ARSJ: variants seen among roughly 807,000 people sequenced by gnomAD.
The protein encoded by ARSJ is arylsulfatase J.
Under a neutral mutation model 35.9 loss-of-function variants are expected in ARSJ, and 26 were observed. The ratio of observed to expected loss-of-function variants is 0.72; its 90% CI spans 0.53 to 1.00. The LOEUF is 1.00. Ranked by LOEUF, ARSJ falls within the 50% of genes least tolerant of loss-of-function variation. The probability of loss-of-function intolerance (pLI) is 0.00; values close to 1 mark genes in which losing one functional copy is unlikely to be tolerated. For synonymous variants in ARSJ, 294 were observed against 267.6 expected (o/e 1.10, Z -0.96); for missense variants, 667 against 723.6 (o/e 0.92, Z 0.90).
At chr4:113,926,555 G>C (rs1724079027) in intron 1 of ARSJ, among the ~76,000 whole-genome samples, 1 of 152,132 alleles carries the variant, frequency 6.6e-6, no homozygotes, top group Non-Finnish European at 1.5e-5. Context: ...CATGCTGGGG[G>C]AGGTAGGAGG....
At chr4:113,927,830 T>C (rs1370035809) in intron 1 of ARSJ, among the ~76,000 whole-genome samples, 3 of 152,176 alleles carry the variant, frequency 2.0e-5, no homozygotes, top group African/African-American at 7.2e-5. Flanking sequence ...AAGTCCTTGA[T>C]GGTGACACTA....
chr4:113,921,982 T>C lies in ARSJ; in HGVS notation c.399-18307A>G, dbSNP rs1723710616. 2.0e-5 allele frequency among the ~76,000 whole-genome samples: 3 copies of C among 152,274 alleles called. 1 individual carries two copies. Among genetic ancestry groups the C allele is most frequent in the Middle Eastern group, 3.4e-3 (1 of 294 alleles). On this transcript the variant is annotated intron_variant, in intron 1 of 1. Coordinates refer to ENST00000315366, the MANE Select transcript of ARSJ (RefSeq NM_024590.4). ...GAAATCAAATAACAGCCATCATGCTTGGACAACATGGACAGGGCAGTTGTT... is the reference window on the plus strand; with the variant it reads ...GAAATCAAATAACAGCCATCATGCTCGGACAACATGGACAGGGCAGTTGTT...
At chr4:113,913,992 G>A (rs1723114173) in intron 1 of ARSJ, among the ~76,000 whole-genome samples, 1 of 151,922 alleles carries the variant, frequency 6.6e-6, no homozygotes. Flanking sequence ...TTTATTTTTT[G>A]AGATGGAGTC....
rs1465976744 is a variant in ARSJ, at chr4:113,903,283, G to A, written c.791C>T (p.Ala264Val). 6.2e-7 allele frequency: 1 copy of A among 1,614,104 alleles called. No individual in the cohort carries two copies. The highest frequency in any genetic ancestry group is 1.7e-5 in the Admixed American group (1 of 60,014). The change falls in exon 2 of 2, where the codon GCC becomes GTC. Residue 264 changes from alanine to valine, a missense_variant. Coordinates refer to ENST00000315366, the MANE Select transcript of ARSJ (RefSeq NM_024590.4). ...CAGTGGTGAATGAACAGCTTGATAG[G>A]CAATATATAAAAATATAGGCTTTGT... ...NPTKPIFLYI[A>V]YQAVHSPLQA...
Position 113,940,388 on chromosome 4 carries a change from G to A in ARSJ, c.399-36713C>T, listed in dbSNP as rs188066660. Among the ~76,000 whole-genome samples, 78 of 152,148 alleles carry A rather than the reference G, an allele frequency of 5.1e-4. 1 individual carries two copies. Among genetic ancestry groups the A allele is most frequent in the African/African-American group, 1.6e-3 (65 of 41,534 alleles). On this transcript the variant is annotated intron_variant, in intron 1 of 1. Transcript: ENST00000315366. ...ATTATCCTCAGCAAACTAATGCAGG[G>A]GCAGAAAACCAAACAGTGCATGTTC...
intron 1 of ARSJ, among the ~76,000 whole-genome samples, chr4:113,919,274 C>G (rs1324597086): frequency 6.6e-6 from 1 of 151,948 alleles, no homozygotes; most frequent in Non-Finnish European, 1.5e-5. Flanking sequence ...CTACTGGACT[C>G]CTAGAAATCG....
At position 113,902,716 on chromosome 4, in the gene ARSJ, T is replaced by C. The variant is rs746827618; in HGVS notation, c.1358A>G (p.His453Arg). The change falls in exon 2 of 2, where the codon CAC becomes CGC. Residue 453 changes from histidine (H) to arginine (R), a missense_variant. Coordinates refer to ENST00000315366, the MANE Select transcript of ARSJ (RefSeq NM_024590.4). ...TAIQSAIRVQ[H>R]WKLLTGNPGY... ...AGGATTTCCTGTAAGCAATTTCCAG[T>C]GCTGCACTCTGATGGCTGACTGGAT... 11 of 1,614,236 alleles carry C rather than the reference T, an allele frequency of 6.8e-6. No individual in the cohort carries two copies. Among genetic ancestry groups the C allele is most frequent in the Non-Finnish European group, 9.3e-6 (11 of 1,180,044 alleles).
rs189612992 is a variant in ARSJ at position 113,948,043 on chromosome 4, G to A, written c.398+30394C>T. Reference sequence around the variant, plus strand: ...ATCTCTAATAAAAATACAAAAATTAGCAGAGTGTGGTGGTGCACACATGTA... The same window carrying A: ...ATCTCTAATAAAAATACAAAAATTAACAGAGTGTGGTGGTGCACACATGTA... On this transcript the variant is annotated intron_variant, in intron 1 of 1. Transcript: ENST00000315366. 1.1e-4 allele frequency among the ~76,000 whole-genome samples: 17 copies of A among 152,136 alleles called. No individual in the cohort carries two copies. In the East Asian group the frequency reaches 3.3e-3, roughly 29 times the overall value.
rs544142958 is a variant in ARSJ, at chr4:113,906,156, G to C, written c.399-2481C>G. On this transcript the variant is annotated intron_variant, in intron 1 of 1. Transcript: ENST00000315366. ...AAATTAAAAAGGGAAACATCTATAC[G>C]GGTAAAAATTTTGGGAATCATTTAT... Among the ~76,000 whole-genome samples the C allele has an allele frequency of 7.2e-5, 11 of 152,214 alleles. No individual in the cohort carries two copies. The South Asian group carries it at 1.0e-3, about 14-fold the overall frequency.
chr4:113,924,399 G>A (rs909163128), intron 1 of ARSJ, among the ~76,000 whole-genome samples: 2 of 151,924 alleles, frequency 1.3e-5, no homozygotes, highest in African/African-American at 2.4e-5. Context: ...CCAGCCCACT[G>A]ACTCAAATGT....
intron 1 of ARSJ, among the ~76,000 whole-genome samples, chr4:113,929,497 T>C (rs1215296888): frequency 6.6e-6 from 1 of 152,116 alleles, no homozygotes; most frequent in Admixed American, 6.6e-5. Flanking sequence ...CAAAGGTTCA[T>C]CAGAGTTTAC....
At position 113,902,776 on chromosome 4, in the gene ARSJ, G is replaced by C; in HGVS notation, c.1298C>G (p.Ser433Cys). 1.9e-6 allele frequency: 3 copies of C among 1,614,120 alleles called. No individual in the cohort carries two copies. Among genetic ancestry groups the C allele is most frequent in the Non-Finnish European group, 2.5e-6 (3 of 1,180,030 alleles). ...CCAGATCCCATAGCCTGCTGCCCAGGAGCCATTTTTTGCCTTGGTGTATAT... is the reference window on the plus strand; with the variant it reads ...CCAGATCCCATAGCCTGCTGCCCAGCAGCCATTTTTTGCCTTGGTGTATAT... ...DPIYTKAKNG[S>C]WAAGYGIWNT... Residue 433 changes from serine to cysteine, a missense_variant, in exon 2 of 2, where the codon TCC becomes TGC. By Grantham distance (112) the Ser-to-Cys change is moderately radical. Coordinates refer to ENST00000315366, the MANE Select transcript of ARSJ (RefSeq NM_024590.4).
chr4:113,969,847 C>T (rs1272857537), intron 1 of ARSJ, among the ~76,000 whole-genome samples: 7 of 152,124 alleles, frequency 4.6e-5, no homozygotes, highest in Non-Finnish European at 7.4e-5. Context: ...CCTATTAGCA[C>T]AAAGCACTGG....
In ARSJ at chr4:113,955,859, T is replaced by A. The variant is rs1726148722; in HGVS notation, c.398+22578A>T. Among the ~76,000 whole-genome samples the A allele has an allele frequency of 2.0e-5, 3 of 152,130 alleles. No individual in the cohort carries two copies. In the South Asian group the frequency reaches 6.2e-4, roughly 32 times the overall value. ...AAATGTTTTAACAACAATAATGTTG[T>A]GATTATACCTTTCAATGTAATTTTT... On this transcript the variant is annotated intron_variant, in intron 1 of 1. Coordinates refer to ENST00000315366, the MANE Select transcript of ARSJ (RefSeq NM_024590.4).
intron 1 of ARSJ, among the ~76,000 whole-genome samples, chr4:113,973,635 C>G (rs1054995619): frequency 1.3e-5 from 2 of 152,150 alleles, no homozygotes; most frequent in African/African-American, 4.8e-5. Flanking sequence ...AATTCACTTT[C>G]TTACTCTCCT....
intron 1 of ARSJ, among the ~76,000 whole-genome samples, chr4:113,955,745 A>G (rs895365294): frequency 6.6e-6 from 1 of 152,088 alleles, no homozygotes; most frequent in Non-Finnish European, 1.5e-5. Context: ...GCACACAGCA[A>G]AAAACTTTTA....
chr4:113,916,320 A>C (rs1218950679), intron 1 of ARSJ, among the ~76,000 whole-genome samples: 2 of 152,266 alleles, frequency 1.3e-5, no homozygotes, highest in East Asian at 3.9e-4. Context: ...AGGCTGTGTA[A>C]CCTTGAGCAT....
In ARSJ at chr4:113,978,900, C is replaced by G; in HGVS notation, c.-66G>C. 1.3e-6 allele frequency: 2 copies of G among 1,486,940 alleles called. No homozygotes were observed. The highest frequency in any genetic ancestry group is 1.8e-6 in the Non-Finnish European group (2 of 1,108,670). The allele number at this position is 1,486,940 out of a possible 1,614,324, so 92.1% of individuals were successfully genotyped here. On this transcript the variant is annotated 5_prime_UTR_variant, in exon 1 of 2. The change abolishes an upstream ATG in the 5' untranslated region. Coordinates refer to ENST00000315366, the MANE Select transcript of ARSJ (RefSeq NM_024590.4). ...CGCCCCGCGCCGCTGCGGGCGCACA[C>G]ATGCACCCAACAGACGGTGAAGACT...
intron 1 of ARSJ, among the ~76,000 whole-genome samples, chr4:113,929,534 G>C (rs546146409): frequency 2.0e-5 from 3 of 152,052 alleles, no homozygotes; most frequent in Admixed American, 2.0e-4. Flanking sequence ...GGTTTATCAG[G>C]GTCCTCCCAC....
Sources: gnomAD v4.1 joint callset for allele counts (sites outside exome capture counted in the v4.1 genomes callset) on GRCh38, gnomAD v4.1.1 for gene constraint, MANE v1.5 for transcripts, NCBI Gene and HGNC (gene_info 2026-07-23, HGNC 2026-07-21) for gene names.